Variants in ZNF721 observed in about 807,000 individuals in gnomAD.
ZNF721 encodes zinc finger protein 721.
In ZNF721, 2 loss-of-function variants were observed where a neutral mutation model predicts 2.4. The ratio of observed to expected loss-of-function variants is 0.82; its 90% CI spans 0.34 to 2.58. The LOEUF is 2.58. ZNF721 is among the 30% of genes most tolerant of loss of function. The pLI is 0.11. For missense variants in ZNF721, 1,187 were observed against 1,085.5 expected (o/e 1.09, Z -1.31); for synonymous variants, 398 against 381.8 (o/e 1.04, Z -0.50).
intron 1 of ZNF721, among the ~76,000 whole-genome samples, chr4:483,014 A>C (rs1715806161): frequency 6.6e-6 from 1 of 152,086 alleles, no homozygotes; most frequent in Non-Finnish European, 1.5e-5. Context: ...ATACAGATGT[A>C]CTGATTTGTC....
intron 2 of ZNF721, among the ~76,000 whole-genome samples, chr4:454,852 T>G (rs1249308083): frequency 1.3e-5 from 2 of 152,230 alleles, no homozygotes; most frequent in African/African-American, 2.4e-5. Flanking sequence ...TATATGTTAG[T>G]TATTGAAAAC....
chr4:472,806 A>C (rs539697411), intron 1 of ZNF721, 105 bp from the exon 2 acceptor site: 117 of 1,473,272 alleles, frequency 7.9e-5, no homozygotes, highest in South Asian at 1.7e-4. Context: ...TTATCTGATA[A>C]AACAACTTTC....
chr4:466,034 T>C (rs1715241107), intron 2 of ZNF721, among the ~76,000 whole-genome samples: 1 of 148,448 alleles, frequency 6.7e-6, no homozygotes, highest in Non-Finnish European at 1.5e-5. Flanking sequence ...TCTCACTCTA[T>C]CGCTCAGGCT....
chr4:472,630 C>T lies in ZNF721; in HGVS notation c.-22G>A. On this transcript the variant is annotated 5_prime_UTR_variant, in exon 2 of 3. Transcript: ENST00000511833. ...ACATCACATCTCTATACAAATTCTG[C>T]TGGGCAGGGTCCAGGCATTTCCACT... 2 of 1,614,020 alleles carry T rather than the reference C, an allele frequency of 1.2e-6. No individual in the cohort carries two copies. Among genetic ancestry groups the T allele is most frequent in the East Asian group, 2.2e-5 (1 of 44,870 alleles).
intron 2 of ZNF721, among the ~76,000 whole-genome samples, chr4:469,347 CAAATG>C (rs1238583999): frequency 3.3e-5 from 5 of 151,752 alleles, no homozygotes; most frequent in Admixed American, 6.6e-5. Flanking sequence ...ATAAATTTAA[CAAATG>C]AAATAAAAAA....
At chr4:482,096 CATT>C (rs1715785229) in intron 1 of ZNF721, among the ~76,000 whole-genome samples, 1 of 152,152 alleles carries the variant, frequency 6.6e-6, no homozygotes, top group African/African-American at 2.4e-5. Flanking sequence ...GACTGTGAGA[CATT>C]GTTGATGAAA....
chr4:451,119 A>G (rs1001258890), intron 2 of ZNF721, among the ~76,000 whole-genome samples: 1 of 151,708 alleles, frequency 6.6e-6, no homozygotes, highest in African/African-American at 2.4e-5. Flanking sequence ...GATTTTTAAA[A>G]TGTGACATAT....
chr4:486,714 A>G (rs1379268923), intron 1 of ZNF721, among the ~76,000 whole-genome samples: 1 of 152,256 alleles, frequency 6.6e-6, no homozygotes, highest in Admixed American at 6.5e-5. Flanking sequence ...AAGAGTTTGC[A>G]GATATGATCA....
At chr4:478,247 C>T (rs572071783) in intron 1 of ZNF721, among the ~76,000 whole-genome samples, 2 of 152,152 alleles carry the variant, frequency 1.3e-5, no homozygotes, top group African/African-American at 4.8e-5. Context: ...GTTCCTCCTC[C>T]CTCAGCTCTT....
intron 1 of ZNF721, among the ~76,000 whole-genome samples, chr4:473,450 G>A (rs944268956): frequency 5.9e-5 from 9 of 152,176 alleles, no homozygotes; most frequent in Non-Finnish European, 1.3e-4. Context: ...AGGCGCACAG[G>A]GCAAGGGGAC....
rs573263157 is a variant in ZNF721 at position 474,235 on chromosome 4, A to T, written c.-93-1534T>A. 9.8e-5 allele frequency: 37 copies of T among 379,068 alleles called. No individual in the cohort carries two copies. In the Admixed American group the frequency reaches 1.1e-3, roughly 12 times the overall value. The allele number at this position is 379,068 out of a possible 1,614,324, so 23.5% of individuals were successfully genotyped here. The stretch of plus-strand genomic sequence containing the variant: ...TCTCAGTCAAGCGCTCTGATTGGAT[A>T]TGGGTCCAGGCTTCACGCCCTCAGG... On this transcript the variant is annotated intron_variant, in intron 1 of 2. Transcript: ENST00000511833.
chr4:451,136 A>G (rs1407524547), intron 2 of ZNF721, among the ~76,000 whole-genome samples: 8 of 151,742 alleles, frequency 5.3e-5, no homozygotes, highest in Admixed American at 5.3e-4. Context: ...ATATACATAC[A>G]ATATTTTATT....
chr4:489,093 G>T (rs1715965155), intron 1 of ZNF721, among the ~76,000 whole-genome samples: 2 of 152,156 alleles, frequency 1.3e-5, no homozygotes, highest in Admixed American at 6.5e-5. Context: ...ACTTGACCCA[G>T]CTCCTTATAA....
intron 2 of ZNF721, among the ~76,000 whole-genome samples, chr4:464,199 G>A (rs782037928): frequency 7.2e-5 from 11 of 152,130 alleles, no homozygotes; most frequent in South Asian, 2.1e-4. Context: ...GGCTGGGTGC[G>A]GTTGCGCACA....
In ZNF721 at chr4:443,253, G is replaced by C. The variant is rs376093135; in HGVS notation, c.1214C>G (p.Thr405Ser). The change falls in exon 3 of 3, where the codon ACT becomes AGT. Residue 405 changes from threonine to serine, a missense_variant. Physicochemically the swap from Thr to Ser is moderately conservative, Grantham distance 58. Coordinates refer to ENST00000511833, the MANE Select transcript of ZNF721 (RefSeq NM_133474.4). ...TCTGGTGTGAATTCTCTTATGTGCA[G>C]TAAGGTTTGTTGAACTATTAAAGGC... ...GKAFNSSTNL[T>S]AHKRIHTREK... The C allele has an allele frequency of 1.1e-5, 18 of 1,613,250 alleles. No homozygotes were observed. The highest frequency in any genetic ancestry group is 1.7e-4 in the Middle Eastern group (1 of 6,054).
Position 442,600 on chromosome 4 carries a change from C to A in ZNF721, c.1867G>T (p.Val623Leu). The A allele has an allele frequency of 6.2e-7, 1 of 1,612,836 alleles. No individual in the cohort carries two copies. Reference sequence around the variant, plus strand: ...TGTTGATTCAGGTCCGTGTACCATACAAAGTCTTTGCCACACTCTTCACAT... The same window carrying A: ...TGTTGATTCAGGTCCGTGTACCATAAAAAGTCTTTGCCACACTCTTCACAT... ...YKCEECGKDF[V>L]WYTDLNQQKK... Residue 623 changes from valine (V) to leucine (L), a missense_variant, in exon 3 of 3, where the codon GTA becomes TTA. By Grantham distance (32) the Val-to-Leu change is conservative. Transcript: ENST00000511833.
At chr4:472,497 T>C in intron 2 of ZNF721, 78 bp downstream of exon 2, 2 of 1,488,424 alleles carry the variant, frequency 1.3e-6, no homozygotes, top group Non-Finnish European at 1.8e-6. Flanking sequence ...TATAGATATA[T>C]CTCAAAAGAC....
intron 1 of ZNF721, among the ~76,000 whole-genome samples, chr4:498,313 G>T (rs978590377): frequency 3.9e-5 from 6 of 151,980 alleles, no homozygotes; most frequent in African/African-American, 1.2e-4. Flanking sequence ...TCACAGGTAG[G>T]TGACAGACAA....
At position 443,931 on chromosome 4, in the gene ZNF721, T is replaced by G. The variant is rs116742561; in HGVS notation, c.536A>C (p.Asn179Thr). 2.7e-3 allele frequency: 4,414 copies of G among 1,613,980 alleles called. 110 individuals carry two copies. In the African/African-American group the frequency reaches 0.05, roughly 18 times the overall value. Residue 179 changes from asparagine to threonine, a missense_variant, in exon 3 of 3, where the codon AAC becomes ACC. Asn to Thr is a moderately conservative substitution (Grantham distance 65, BLOSUM62 0). Coordinates refer to ENST00000511833, the MANE Select transcript of ZNF721 (RefSeq NM_133474.4). ...ECGKAFNRST[N>T]LTAHKRIHNR... The stretch of plus-strand genomic sequence containing the variant: ...GTGAATTCTCTTATGTGCAGTAAGG[T>G]TTGTTGACCTATTAAAGGCTTTGCC...
Sources: allele counts gnomAD v4.1 joint callset (sites outside exome capture counted in the v4.1 genomes callset), GRCh38; gene constraint gnomAD v4.1.1; transcripts MANE v1.5; gene names NCBI Gene and HGNC (gene_info 2026-07-23, HGNC 2026-07-21).